RABGAP1L: variants seen among roughly 807,000 people sequenced by gnomAD.
RABGAP1L encodes the protein RAB GTPase activating protein 1 like.
Under a neutral mutation model 137.7 loss-of-function variants are expected in RABGAP1L, and 63 were observed. The observed-to-expected ratio is 0.46, with a 90% CI of 0.37 to 0.56. The LOEUF is 0.56. Ranked by LOEUF, RABGAP1L falls within the 20% of genes least tolerant of loss-of-function variation. RABGAP1L has a pLI of 0.00. For synonymous variants in RABGAP1L, 431 were observed against 433.7 expected, an observed-to-expected ratio of 0.99 and a Z score of 0.08; for missense variants, 1,095 against 1,244.0, an observed-to-expected ratio of 0.88 and a Z score of 1.80.
At chr1:174,730,474 C>T (rs187290073) in intron 17 of RABGAP1L, among the ~76,000 whole-genome samples, 10 of 152,178 alleles carry the variant, frequency 6.6e-5, no homozygotes, top group Non-Finnish European at 1.5e-5. Context: ...AAATAAAAGT[C>T]GGAAAAAACC....
At chr1:174,775,022 A>C (rs978803411) in intron 18 of RABGAP1L, among the ~76,000 whole-genome samples, 1 of 152,240 alleles carries the variant, frequency 6.6e-6, no homozygotes, top group Non-Finnish European at 1.5e-5. Context: ...CTCAGGTTCT[A>C]TAATGAATTT....
intron 13 of RABGAP1L, among the ~76,000 whole-genome samples, chr1:174,612,929 T>C (rs1047589134): frequency 2.0e-5 from 3 of 151,860 alleles, no homozygotes; most frequent in Non-Finnish European, 2.9e-5. Flanking sequence ...TTATTGCGTC[T>C]ATTTGATTCT....
intron 19 of RABGAP1L, among the ~76,000 whole-genome samples, chr1:174,881,482 A>G (rs1388637082): frequency 4.4e-5 from 6 of 135,262 alleles, no homozygotes; most frequent in African/African-American, 1.1e-4. Context: ...ATAAAAATAT[A>G]TATCATTTGC....
chr1:174,378,298 C>T (rs1450242928), intron 12 of RABGAP1L, among the ~76,000 whole-genome samples: 2 of 151,668 alleles, frequency 1.3e-5, no homozygotes. Flanking sequence ...TGGGTATATA[C>T]CGAGTAATGG....
chr1:174,367,089 T>TA (rs1374884025), intron 11 of RABGAP1L: 15 of 152,302 alleles, frequency 9.8e-5, no homozygotes, highest in Admixed American at 9.8e-4. Context: ...ATAGTCCCTG[T>TA]AACATGGGAT....
intron 13 of RABGAP1L, among the ~76,000 whole-genome samples, chr1:174,544,318 C>G (rs1342695179): frequency 6.6e-6 from 1 of 151,948 alleles, no homozygotes; most frequent in Non-Finnish European, 1.5e-5. Flanking sequence ...TTTCTCTAAA[C>G]TTCTCTTCTT....
chr1:174,472,420 G>C (rs1354148564), intron 13 of RABGAP1L, among the ~76,000 whole-genome samples: 1 of 152,164 alleles, frequency 6.6e-6, no homozygotes, highest in Admixed American at 6.5e-5. Flanking sequence ...TTTTGTTGAG[G>C]GTTCTGCCTT....
chr1:174,591,555 C>CA, intron 13 of RABGAP1L, among the ~76,000 whole-genome samples: 2 of 36,670 alleles, frequency 5.5e-5, no homozygotes, highest in Admixed American at 3.9e-4. Flanking sequence ...GATCCAGTTT[C>CA]ATCTTTCTAC....
At chr1:174,397,686 C>G (rs1392344125) in intron 13 of RABGAP1L, among the ~76,000 whole-genome samples, 6 of 152,160 alleles carry the variant, frequency 3.9e-5, no homozygotes, top group African/African-American at 9.7e-5. Flanking sequence ...GGCTTTTCTA[C>G]ACCCAGCATT....
intron 18 of RABGAP1L, among the ~76,000 whole-genome samples, chr1:174,754,066 A>G (rs1235986481): frequency 6.6e-6 from 1 of 152,112 alleles, no homozygotes; most frequent in African/African-American, 2.4e-5. Flanking sequence ...ATTTTCATTT[A>G]TTTTGTCCAT....
intron 18 of RABGAP1L, among the ~76,000 whole-genome samples, chr1:174,796,109 T>A (rs79127598): frequency 3.2e-4 from 49 of 152,350 alleles, no homozygotes; most frequent in Non-Finnish European, 6.3e-4. Context: ...CATTATTAAC[T>A]AGTTAAATCG....
At chr1:174,213,282 G>C (rs1371272714) in intron 1 of RABGAP1L, among the ~76,000 whole-genome samples, 3 of 152,068 alleles carry the variant, frequency 2.0e-5, no homozygotes, top group African/African-American at 7.2e-5. Flanking sequence ...AAAATTAACT[G>C]GGCACGGTGG....
intron 17 of RABGAP1L, among the ~76,000 whole-genome samples, chr1:174,706,792 T>C (rs1014900456): frequency 6.6e-6 from 1 of 152,260 alleles, no homozygotes; most frequent in Admixed American, 6.5e-5. Context: ...TGCCATAGTT[T>C]AGCTTTGCTT....
At chr1:174,196,750 A>G (rs979491452) in intron 1 of RABGAP1L, among the ~76,000 whole-genome samples, 3 of 152,120 alleles carry the variant, frequency 2.0e-5, no homozygotes, top group African/African-American at 7.2e-5. Context: ...ATCAATTAGA[A>G]ATTTTATAAA....
intron 19 of RABGAP1L, among the ~76,000 whole-genome samples, chr1:174,902,192 C>G (rs1658258477): frequency 6.6e-6 from 1 of 152,214 alleles, no homozygotes; most frequent in Non-Finnish European, 1.5e-5. Context: ...AAGAAGCAGT[C>G]TGGCTGCTTT....
chr1:174,544,535 G>T (rs1402523914), intron 13 of RABGAP1L, among the ~76,000 whole-genome samples: 1 of 152,110 alleles, frequency 6.6e-6, no homozygotes, highest in Non-Finnish European at 1.5e-5. Context: ...TTTGCAATGG[G>T]TTCAAACATC....
chr1:174,857,865 T>C (rs866626578), intron 19 of RABGAP1L, among the ~76,000 whole-genome samples: 7 of 152,216 alleles, frequency 4.6e-5, no homozygotes, highest in African/African-American at 1.7e-4. Flanking sequence ...ATTCAGTGAC[T>C]CATTTACTGA....
intron 3 of RABGAP1L, among the ~76,000 whole-genome samples, chr1:174,230,536 G>A (rs750249454): frequency 2.2e-4 from 34 of 152,196 alleles, no homozygotes; most frequent in Admixed American, 1.2e-3. Flanking sequence ...ACAGAACTCA[G>A]CTTTAGAGCT....
intron 19 of RABGAP1L, among the ~76,000 whole-genome samples, chr1:174,879,753 G>T (rs1417505194): frequency 6.6e-6 from 1 of 152,020 alleles, no homozygotes. Flanking sequence ...AAAAAGATTT[G>T]CAAAAAGCAA....
Sources: allele counts gnomAD v4.1 joint callset (sites outside exome capture counted in the v4.1 genomes callset), GRCh38; gene constraint gnomAD v4.1.1; transcripts MANE v1.5; gene names NCBI Gene and HGNC (gene_info 2026-07-23, HGNC 2026-07-21).